The following PSMD1 variants were observed in gnomAD, a reference collection of about 807,000 sequenced individuals.
The protein encoded by PSMD1 is proteasome 26S subunit, non-ATPase 1.
A neutral mutation model predicts 119.0 loss-of-function variants in PSMD1; 18 were observed. The ratio of observed to expected loss-of-function variants is 0.15; its 90% CI spans 0.10 to 0.22. PSMD1 has a LOEUF of 0.22. Among genes scored for constraint, PSMD1 ranks in the 10% least tolerant of loss-of-function variants. PSMD1 has a pLI of 1.00. For missense variants in PSMD1, 702 were observed against 1,158.5 expected (o/e 0.61, Z 5.72); for synonymous variants, 374 against 396.6 (o/e 0.94, Z 0.68).
At chr2:231,166,357 G>C (rs954975589) in intron 23 of PSMD1, among the ~76,000 whole-genome samples, 19 of 152,092 alleles carry the variant, frequency 1.2e-4, no homozygotes, top group Non-Finnish European at 4.4e-5. Context: ...CTTAGGCCAG[G>C]TACTAAATCT....
At chr2:231,062,743 C>T in intron 4 of PSMD1, 68 bp downstream of exon 4, 4 of 1,272,716 alleles carry the variant, frequency 3.1e-6, no homozygotes, top group Non-Finnish European at 4.1e-6. Context: ...CACATAGAAG[C>T]TTTTTTCCTG....
chr2:231,102,337 G>A (rs2125195268), intron 16 of PSMD1, among the ~76,000 whole-genome samples: 1 of 152,214 alleles, frequency 6.6e-6, no homozygotes. Flanking sequence ...TTAAAATACA[G>A]TTGACCCTTG....
chr2:231,161,670 T>C (rs1473815452), intron 20 of PSMD1, among the ~76,000 whole-genome samples, 161 bp downstream of exon 20: 1 of 152,162 alleles, frequency 6.6e-6, no homozygotes, highest in Non-Finnish European at 1.5e-5. Context: ...TTGAATGGAG[T>C]GTGTCATTGA....
chr2:231,102,779 A>T (rs953223902), intron 16 of PSMD1, among the ~76,000 whole-genome samples: 15 of 152,188 alleles, frequency 9.9e-5, no homozygotes, highest in Admixed American at 4.6e-4. Context: ...TGAAAAAAAA[A>T]TTGCATATTA....
chr2:231,059,636 C>T (rs1693706891), intron 1 of PSMD1, among the ~76,000 whole-genome samples: 1 of 152,222 alleles, frequency 6.6e-6, no homozygotes, highest in African/African-American at 2.4e-5. Context: ...CTTTCCCTTT[C>T]CTGATCCCCA....
intron 16 of PSMD1, among the ~76,000 whole-genome samples, chr2:231,131,401 A>G (rs953978153): frequency 6.6e-6 from 1 of 152,354 alleles, no homozygotes; most frequent in Admixed American, 6.5e-5. Context: ...CTGTGTGTAT[A>G]TATAAAGATT....
chr2:231,086,858 C>T (rs1176448737), intron 15 of PSMD1, among the ~76,000 whole-genome samples: 1 of 152,158 alleles, frequency 6.6e-6, no homozygotes, highest in Non-Finnish European at 1.5e-5. Context: ...GGGAGGATCT[C>T]CTGAGCCCCA....
intron 16 of PSMD1, among the ~76,000 whole-genome samples, chr2:231,119,600 G>A (rs1695460102): frequency 6.6e-6 from 1 of 152,102 alleles, no homozygotes; most frequent in Non-Finnish European, 1.5e-5. Context: ...GCCAGGTTTG[G>A]TGGCTCATGT....
chr2:231,109,834 A>G (rs1695095066), intron 16 of PSMD1, among the ~76,000 whole-genome samples: 1 of 152,184 alleles, frequency 6.6e-6, no homozygotes. Flanking sequence ...TTTATTCAAT[A>G]TCTTTACTCA....
intron 16 of PSMD1, among the ~76,000 whole-genome samples, chr2:231,120,673 A>G (rs1695508374): frequency 2.0e-5 from 3 of 152,244 alleles, no homozygotes; most frequent in South Asian, 2.1e-4. Context: ...TTTATATTTT[A>G]CTGCTCTTAT....
chr2:231,138,846 A>T lies in PSMD1; in HGVS notation c.1994A>T (p.Asn665Ile). Residue 665 changes from asparagine (N) to isoleucine (I), a missense_variant, in exon 17 of 25, where the codon AAC becomes ATC. By Grantham distance (149) the Asn-to-Ile change is moderately radical. Transcript: ENST00000308696. ...GGGATATGCTGTGCTGGTACAGGAAACAAGGTAAAGCCCACAGCCAATGGG... is the reference window on the plus strand; with the variant it reads ...GGGATATGCTGTGCTGGTACAGGAATCAAGGTAAAGCCCACAGCCAATGGG... ...ALGICCAGTG[N>I]KEAINLLEPM... 1.2e-6 allele frequency: 2 copies of T among 1,612,904 alleles called. No homozygotes were observed. Among genetic ancestry groups the T allele is most frequent in the Admixed American group, 1.7e-5 (1 of 60,008 alleles).
At chr2:231,172,485 TGAAATTAA>T (rs1234516249) in intron 24 of PSMD1, 42 bp from the exon 25 acceptor site, 1 of 152,206 alleles carries the variant, frequency 6.6e-6, no homozygotes, top group Non-Finnish European at 1.5e-5. Flanking sequence ...AAGAATGTCT[TGAAATTAA>T]GAATGACCCT....
chr2:231,140,739 G>A lies in PSMD1; in HGVS notation c.1998+1889G>A, dbSNP rs541818537. Among the ~76,000 whole-genome samples the A allele has an allele frequency of 8.0e-5, 12 of 150,932 alleles. No individual in the cohort carries two copies. The South Asian group carries it at 2.1e-3, about 26-fold the overall frequency. ...CTAAAAATACAAAAATTAGCCAGGC[G>A]TGGTGGCATGCACCTGTAATGCCAG... On this transcript the variant is annotated intron_variant, in intron 17 of 24. Coordinates refer to ENST00000308696, the MANE Select transcript of PSMD1 (RefSeq NM_002807.4).
At chr2:231,107,805 T>C (rs1478449870) in intron 16 of PSMD1, among the ~76,000 whole-genome samples, 3 of 152,218 alleles carry the variant, frequency 2.0e-5, no homozygotes, top group African/African-American at 7.2e-5. Context: ...CTAAGAAACC[T>C]AATGTGGTTC....
At chr2:231,079,752 A>G (rs891588145) in intron 11 of PSMD1, 138 bp downstream of exon 11, 8 of 557,818 alleles carry the variant, frequency 1.4e-5, no homozygotes, top group Non-Finnish European at 2.2e-5. Context: ...GGAGAAGGCT[A>G]AAGTAAATAA....
intron 23 of PSMD1, among the ~76,000 whole-genome samples, chr2:231,167,760 C>T (rs528380016): frequency 3.3e-5 from 5 of 152,310 alleles, no homozygotes; most frequent in African/African-American, 1.2e-4. Context: ...AAGACAGTTA[C>T]ATCTAGAACA....
chr2:231,075,391 G>T, intron 7 of PSMD1, 120 bp from the exon 8 acceptor site: 18 of 788,694 alleles, frequency 2.3e-5, no homozygotes, highest in East Asian at 2.8e-5. Context: ...ATTTCTTAAT[G>T]GTAATACTTT....
chr2:231,172,005 C>A (rs1211506542), intron 24 of PSMD1, among the ~76,000 whole-genome samples: 1 of 152,130 alleles, frequency 6.6e-6, no homozygotes, highest in East Asian at 1.9e-4. Flanking sequence ...AGGTAGAAAC[C>A]TGCCATTAGT....
chr2:231,107,865 C>T (rs1043372711), intron 16 of PSMD1, among the ~76,000 whole-genome samples: 1 of 152,206 alleles, frequency 6.6e-6, no homozygotes, highest in Non-Finnish European at 1.5e-5. Context: ...TCCAATAGAC[C>T]TACCTGTGCT....
Sources: gnomAD v4.1 joint callset for allele counts (sites outside exome capture counted in the v4.1 genomes callset) on GRCh38, gnomAD v4.1.1 for gene constraint, MANE v1.5 for transcripts, NCBI Gene and HGNC (gene_info 2026-07-23, HGNC 2026-07-21) for gene names.